FOXP1: variants seen among roughly 807,000 people sequenced by gnomAD.
FOXP1 encodes forkhead box protein P1.
Under a neutral mutation model 98.2 loss-of-function variants are expected in FOXP1, and 15 were observed. The ratio of observed to expected loss-of-function variants is 0.15; its 90% CI spans 0.10 to 0.24. FOXP1 has a LOEUF of 0.24. FOXP1 is among the 10% of genes least tolerant of loss of function. The pLI is 1.00. For missense variants in FOXP1, 633 were observed against 848.5 expected (o/e 0.75, Z 3.15); for synonymous variants, 371 against 314.5 (o/e 1.18, Z -1.90).
rs200117023 is a variant in FOXP1, at chr3:71,178,267, TG to T, written c.180+19934del. 2.6e-3 allele frequency among the ~76,000 whole-genome samples: 389 copies of T among 152,070 alleles called. 5 individuals carry two copies. In the East Asian group the frequency reaches 0.027, roughly 11 times the overall value. On this transcript the variant is annotated intron_variant, in intron 6 of 20. Coordinates refer to ENST00000649528, the MANE Select transcript of FOXP1 (RefSeq NM_001349338.3). ...CCCCTGCCTCAGTCTCCCAAGTAGC[TG>T]GGATTACAGGCACGTACCACCACAC... is the stretch of plus-strand genomic sequence containing the variant.
chr3:71,109,306 C>T (rs2057714573), intron 7 of FOXP1, among the ~76,000 whole-genome samples: 1 of 152,194 alleles, frequency 6.6e-6, no homozygotes, highest in African/African-American at 2.4e-5. Context: ...CCTCCTCTAA[C>T]TTTCCATTTT....
intron 13 of FOXP1, among the ~76,000 whole-genome samples, chr3:70,991,292 A>G (rs1226467717): frequency 1.3e-5 from 2 of 152,108 alleles, no homozygotes; most frequent in Non-Finnish European, 2.9e-5. Flanking sequence ...CATCTTGGGC[A>G]AATATTTTTC....
chr3:71,429,696 T>C (rs1400438122), intron 3 of FOXP1, among the ~76,000 whole-genome samples: 2 of 152,210 alleles, frequency 1.3e-5, no homozygotes, highest in East Asian at 1.9e-4. Context: ...GTTAACTAAA[T>C]ATTGAGCTAA....
At chr3:71,284,743 T>C (rs1296474512) in intron 5 of FOXP1, among the ~76,000 whole-genome samples, 1 of 151,644 alleles carries the variant, frequency 6.6e-6, no homozygotes, top group African/African-American at 2.4e-5. Context: ...CACAGGAAAA[T>C]GCTCATCATG....
intron 9 of FOXP1, among the ~76,000 whole-genome samples, chr3:71,048,815 C>A (rs1191047395): frequency 7.6e-6 from 1 of 132,260 alleles, no homozygotes; most frequent in Non-Finnish European, 1.6e-5. Context: ...GGGGGGGGTA[C>A]AGCTGGAGGT....
intron 4 of FOXP1, among the ~76,000 whole-genome samples, chr3:71,327,207 T>C (rs1396719556): frequency 6.6e-6 from 1 of 151,222 alleles, no homozygotes; most frequent in African/African-American, 2.4e-5. Flanking sequence ...AAGGGAATCA[T>C]TTGAGGCTGA....
At chr3:71,230,841 T>C (rs952668058) in intron 5 of FOXP1, among the ~76,000 whole-genome samples, 1 of 152,208 alleles carries the variant, frequency 6.6e-6, no homozygotes, top group Admixed American at 6.5e-5. Context: ...TTATCAACTG[T>C]AGGAGGGGGG....
intron 2 of FOXP1, among the ~76,000 whole-genome samples, chr3:71,499,377 G>C (rs1200897688): frequency 6.6e-6 from 1 of 152,196 alleles, no homozygotes; most frequent in Non-Finnish European, 1.5e-5. Context: ...CTTGGTTTGA[G>C]AATGCTAAAT....
chr3:71,543,942 T>G (rs2045108494), intron 2 of FOXP1, among the ~76,000 whole-genome samples: 1 of 152,232 alleles, frequency 6.6e-6, no homozygotes, highest in Non-Finnish European at 1.5e-5. Context: ...TGAAATTCTC[T>G]TATTTACTAT....
At chr3:71,513,099 T>G (rs193162158) in intron 2 of FOXP1, among the ~76,000 whole-genome samples, 1 of 152,282 alleles carries the variant, frequency 6.6e-6, no homozygotes, top group Admixed American at 6.5e-5. Flanking sequence ...ACCTCTTTCC[T>G]TAACTCCAGA....
At chr3:71,563,174 C>T (rs2046664005) in intron 2 of FOXP1, among the ~76,000 whole-genome samples, 1 of 152,096 alleles carries the variant, frequency 6.6e-6, no homozygotes, top group African/African-American at 2.4e-5. Context: ...GGAACAACAT[C>T]CTGGCTCAGT....
intron 3 of FOXP1, among the ~76,000 whole-genome samples, chr3:71,419,778 C>CAA (rs1491104293): frequency 6.6e-6 from 1 of 151,974 alleles, no homozygotes; most frequent in African/African-American, 2.4e-5. Flanking sequence ...TACATATATG[C>CAA]ACACACACAC....
intron 7 of FOXP1, among the ~76,000 whole-genome samples, chr3:71,057,315 TTTTTTTTTTTTTC>T: frequency 1.5e-5 from 2 of 133,558 alleles, no homozygotes; most frequent in African/African-American, 5.6e-5. Flanking sequence ...TTTTTTTTTT[TTTTTTTTTTTTTC>T]AGATTTCATG....
intron 5 of FOXP1, among the ~76,000 whole-genome samples, chr3:71,267,253 A>C (rs2069784326): frequency 6.6e-6 from 1 of 152,144 alleles, no homozygotes; most frequent in South Asian, 2.1e-4. Context: ...GGAGCTCTGA[A>C]GCAATGGAAG....
chr3:71,516,989 TC>T (rs1023166503), intron 2 of FOXP1, among the ~76,000 whole-genome samples: 1 of 152,258 alleles, frequency 6.6e-6, no homozygotes, highest in Non-Finnish European at 1.5e-5. Flanking sequence ...GCTTTCTCTT[TC>T]ACCCCCTGTG....
chr3:71,234,881 G>T (rs2066644117), intron 5 of FOXP1, among the ~76,000 whole-genome samples: 1 of 152,182 alleles, frequency 6.6e-6, no homozygotes, highest in African/African-American at 2.4e-5. Context: ...GCAGAACAGG[G>T]CAGGAGGAGG....
intron 5 of FOXP1, among the ~76,000 whole-genome samples, chr3:71,207,573 TTC>T (rs2064142803): frequency 6.6e-6 from 1 of 152,212 alleles, no homozygotes; most frequent in South Asian, 2.1e-4. Context: ...TGAGCAAGGC[TTC>T]TCTGACATAA....
intron 5 of FOXP1, among the ~76,000 whole-genome samples, chr3:71,208,032 T>G (rs2064175963): frequency 6.6e-6 from 1 of 152,234 alleles, no homozygotes; most frequent in Non-Finnish European, 1.5e-5. Flanking sequence ...TTCTTCCCAG[T>G]TAAAATATCT....
At chr3:71,406,885 T>C (rs754268212) in intron 3 of FOXP1, among the ~76,000 whole-genome samples, 11 of 152,080 alleles carry the variant, frequency 7.2e-5, no homozygotes, top group Non-Finnish European at 1.3e-4. Context: ...GTGAGTATTT[T>C]ACCTGCCCCT....
Sources: gnomAD v4.1 joint callset for allele counts (sites outside exome capture counted in the v4.1 genomes callset) on GRCh38, gnomAD v4.1.1 for gene constraint, MANE v1.5 for transcripts, NCBI Gene and HGNC (gene_info 2026-07-23, HGNC 2026-07-21) for gene names.